CHN2: variants seen among roughly 807,000 people sequenced by gnomAD.
CHN2 encodes chimerin 2.
In CHN2, 35 loss-of-function variants were observed where a neutral mutation model predicts 56.3. That is an observed-to-expected ratio of 0.62 (90% confidence interval 0.47 to 0.82). CHN2 has a LOEUF of 0.82. CHN2 is among the 40% of genes least tolerant of loss of function. The pLI is 0.00. For synonymous variants in CHN2, 210 were observed against 212.8 expected (o/e 0.99, Z 0.12); for missense variants, 491 against 580.5 (o/e 0.85, Z 1.58).
chr7:29,282,400 C>T (rs567077134), intron 1 of CHN2, among the ~76,000 whole-genome samples: 5 of 152,290 alleles, frequency 3.3e-5, no homozygotes, highest in Admixed American at 1.3e-4. Flanking sequence ...CATGGACTTT[C>T]GCAGACTGAA....
intron 1 of CHN2, among the ~76,000 whole-genome samples, chr7:29,215,857 C>G (rs1562837840): frequency 6.6e-6 from 1 of 152,108 alleles, no homozygotes; most frequent in African/African-American, 2.4e-5. Context: ...ATTATGCACT[C>G]TTCTTCCTTA....
intron 12 of CHN2, among the ~76,000 whole-genome samples, chr7:29,510,615 T>C (rs1483004359): frequency 6.6e-6 from 1 of 152,144 alleles, no homozygotes; most frequent in Non-Finnish European, 1.5e-5. Flanking sequence ...CATTTCTCCA[T>C]AGGCAGCTCA....
At chr7:29,182,993 A>T (rs1489758407) in intron 2 of CHN2, among the ~76,000 whole-genome samples, 1 of 152,168 alleles carries the variant, frequency 6.6e-6, no homozygotes, top group Non-Finnish European at 1.5e-5. Context: ...AAGAAGGGAT[A>T]TATGAAAACA....
rs980985217 is a variant in CHN2, at chr7:29,512,617, T to A, written c.1289T>A (p.Val430Glu). ...ATGAATGCAGAAAATCTGGGGATCG[T>A]GTTTGGGCCCACTCTGATGAGGCCC... ...NFMNAENLGI[V>E]FGPTLMRPPE... Residue 430 changes from valine to glutamate, a missense_variant, in exon 13 of 13, where the codon GTG becomes GAG. Val to Glu is a moderately radical substitution (Grantham distance 121). Transcript: ENST00000222792. The A allele has an allele frequency of 1.2e-6, 2 of 1,613,878 alleles. No homozygotes were observed. The highest frequency in any genetic ancestry group is 1.7e-6 in the Non-Finnish European group (2 of 1,179,978).
intron 6 of CHN2, among the ~76,000 whole-genome samples, chr7:29,427,717 C>T (rs1023114410): frequency 3.6e-5 from 5 of 137,818 alleles, no homozygotes; most frequent in East Asian, 2.1e-4. Flanking sequence ...AGTGCAGTGG[C>T]GCGATCTTGT....
chr7:29,324,442 G>A (rs1795639951), intron 1 of CHN2, among the ~76,000 whole-genome samples: 2 of 152,098 alleles, frequency 1.3e-5, no homozygotes, highest in Admixed American at 1.3e-4. Flanking sequence ...ATAATTTAGG[G>A]AAAGGCAAGA....
intron 1 of CHN2, among the ~76,000 whole-genome samples, chr7:29,261,180 A>C (rs1265056630): frequency 2.0e-5 from 3 of 152,168 alleles, no homozygotes; most frequent in African/African-American, 7.2e-5. Context: ...ATTATTCTCC[A>C]AACAACTCTT....
chr7:29,462,210 C>T (rs1336707541), intron 6 of CHN2, among the ~76,000 whole-genome samples: 1 of 152,190 alleles, frequency 6.6e-6, no homozygotes, highest in Non-Finnish European at 1.5e-5. Flanking sequence ...CCTGAACAAA[C>T]ATATGTGCTT....
At chr7:29,488,020 C>T (rs1437987828) in intron 7 of CHN2, among the ~76,000 whole-genome samples, 1 of 152,160 alleles carries the variant, frequency 6.6e-6, no homozygotes, top group Non-Finnish European at 1.5e-5. Flanking sequence ...GGGAGACTCC[C>T]AGAAAGCTTT....
chr7:29,284,095 CTTATT>C (rs916130040), intron 1 of CHN2, among the ~76,000 whole-genome samples: 1 of 151,298 alleles, frequency 6.6e-6, no homozygotes, highest in Non-Finnish European at 1.5e-5. Context: ...TGTATTTTTA[CTTATT>C]TTATTTTTAT....
chr7:29,299,061 C>T (rs1793428065), intron 1 of CHN2, among the ~76,000 whole-genome samples: 2 of 152,272 alleles, frequency 1.3e-5, no homozygotes, highest in South Asian at 2.1e-4. Flanking sequence ...AGGGATTCTC[C>T]GCAGAGCGAG....
intron 7 of CHN2, among the ~76,000 whole-genome samples, chr7:29,487,730 C>T (rs1040091351): frequency 6.6e-6 from 1 of 151,850 alleles, no homozygotes; most frequent in Non-Finnish European, 1.5e-5. Context: ...TCCCTACTTT[C>T]ATTATCTCTT....
chr7:29,391,061 C>T (rs1043170794), intron 3 of CHN2, among the ~76,000 whole-genome samples: 18 of 151,774 alleles, frequency 1.2e-4, no homozygotes, highest in African/African-American at 4.1e-4. Flanking sequence ...TTTTTTGATC[C>T]CAGCCTCTCT....
chr7:29,212,996 A>G lies in CHN2; in HGVS notation c.49+18006A>G, dbSNP rs202062369. 5,881 of 1,566,422 alleles carry G rather than the reference A, an allele frequency of 3.8e-3. 22 individuals are homozygous for G. The highest frequency in any genetic ancestry group is 4.3e-3 in the Non-Finnish European group (4,975 of 1,148,166). On this transcript the variant is annotated intron_variant, in intron 1 of 12. Transcript: ENST00000222792. ...ACCTGGTGCACCCAGTCCTGGAACA[A>G]TCAGGCCTGGAACAGTCCCTTCTAT... is the stretch of plus-strand genomic sequence containing the variant.
intron 2 of CHN2, among the ~76,000 whole-genome samples, chr7:29,168,792 C>T (rs1796241065): frequency 6.6e-6 from 1 of 152,184 alleles, no homozygotes; most frequent in Non-Finnish European, 1.5e-5. Flanking sequence ...TTTAGTTTAG[C>T]ATGTATTCAT....
chr7:29,503,267 A>T (rs1263851201), intron 9 of CHN2, among the ~76,000 whole-genome samples: 1 of 152,168 alleles, frequency 6.6e-6, no homozygotes, highest in Non-Finnish European at 1.5e-5. Flanking sequence ...ATGCACATAT[A>T]CCAAGGAAAG....
intron 2 of CHN2, among the ~76,000 whole-genome samples, chr7:29,183,725 C>A (rs967573793): frequency 2.0e-5 from 3 of 151,662 alleles, no homozygotes; most frequent in Non-Finnish European, 4.4e-5. Context: ...AGAAAGAGAA[C>A]CAATAAGAGA....
At chr7:29,254,604 C>T (rs1015126750) in intron 1 of CHN2, among the ~76,000 whole-genome samples, 3 of 152,072 alleles carry the variant, frequency 2.0e-5, no homozygotes, top group Non-Finnish European at 4.4e-5. Flanking sequence ...TAGAGAACCA[C>T]GACTGCTCCA....
intron 1 of CHN2, among the ~76,000 whole-genome samples, chr7:29,251,853 G>A (rs1189737890): frequency 6.6e-6 from 1 of 152,126 alleles, no homozygotes; most frequent in Admixed American, 6.5e-5. Flanking sequence ...TTGAAGATAG[G>A]GCTTGATGCA....
Sources: gnomAD v4.1 joint callset for allele counts (sites outside exome capture counted in the v4.1 genomes callset) on GRCh38, gnomAD v4.1.1 for gene constraint, MANE v1.5 for transcripts, NCBI Gene and HGNC (gene_info 2026-07-23, HGNC 2026-07-21) for gene names.